WWOX: variants seen among roughly 807,000 people sequenced by gnomAD.
WWOX encodes WW domain-containing oxidoreductase.
A neutral mutation model predicts 46.2 loss-of-function variants in WWOX; 69 were observed. That is an observed-to-expected ratio of 1.49 (90% CI 1.23 to 1.82). The LOEUF is 1.82. WWOX is among the 40% of genes most tolerant of loss of function. The pLI is 0.00. For synonymous variants in WWOX, 359 were observed against 202.6 expected, an observed-to-expected ratio of 1.77 and a Z score of -6.56; for missense variants, 919 against 542.6, an observed-to-expected ratio of 1.69 and a Z score of -6.89.
rs559447700 is a variant in WWOX, at chr16:78,705,797, A to G, written c.1056+273045A>G. 2.6e-5 allele frequency among the ~76,000 whole-genome samples: 4 copies of G among 152,346 alleles called. No homozygotes were observed. The East Asian group carries it at 7.7e-4, about 29-fold the overall frequency. ...TGTGCACACATACATTGAAAACAAA[A>G]TGAAAAAACAAGAATAAAACAAAAA... On this transcript the variant is annotated intron_variant, in intron 8 of 8. Transcript: ENST00000566780.
intron 8 of WWOX, among the ~76,000 whole-genome samples, chr16:78,763,095 CTG>C (rs1273706724): frequency 6.6e-6 from 1 of 152,200 alleles, no homozygotes; most frequent in African/African-American, 2.4e-5. Context: ...AGCACCTACT[CTG>C]TGCCAAAGCA....
intron 8 of WWOX, among the ~76,000 whole-genome samples, chr16:79,107,068 C>T (rs971081812): frequency 4.6e-5 from 7 of 152,134 alleles, no homozygotes; most frequent in East Asian, 1.9e-4. Flanking sequence ...ACCTTGGTCT[C>T]CCAAAGTGCT....
At chr16:78,235,772 C>G (rs2037416006) in intron 5 of WWOX, among the ~76,000 whole-genome samples, 1 of 152,104 alleles carries the variant, frequency 6.6e-6, no homozygotes, top group Non-Finnish European at 1.5e-5. Context: ...ACTAGATGGT[C>G]AAGGTGATTG....
In WWOX at chr16:78,862,366, A is replaced by G. The variant is rs190502962; in HGVS notation, c.1057-349242A>G. Among the ~76,000 whole-genome samples, 177 of 151,348 alleles carry G rather than the reference A, an allele frequency of 1.2e-3. 1 individual carries two copies. Among genetic ancestry groups the G allele is most frequent in the African/African-American group, 4.0e-3 (167 of 41,336 alleles). ...GTACTAAATAATATATATAAACACTATAGTATATAGAGTATACATATACAC... is the reference window on the plus strand; with the variant it reads ...GTACTAAATAATATATATAAACACTGTAGTATATAGAGTATACATATACAC... On this transcript the variant is annotated intron_variant, in intron 8 of 8. Coordinates refer to ENST00000566780, the MANE Select transcript of WWOX (RefSeq NM_016373.4).
At chr16:79,045,556 G>C (rs563445664) in intron 8 of WWOX, among the ~76,000 whole-genome samples, 61 of 152,220 alleles carry the variant, frequency 4.0e-4, no homozygotes, top group Non-Finnish European at 1.2e-4. Flanking sequence ...TTTCCCAATA[G>C]AACACGGAGG....
intron 8 of WWOX, among the ~76,000 whole-genome samples, chr16:78,711,812 T>C (rs2048450228): frequency 6.6e-6 from 1 of 152,078 alleles, no homozygotes; most frequent in South Asian, 2.1e-4. Context: ...CTGCACACAC[T>C]CTCCCACTGT....
At chr16:79,156,774 T>C (rs1255517541) in intron 8 of WWOX, among the ~76,000 whole-genome samples, 2 of 152,064 alleles carry the variant, frequency 1.3e-5, no homozygotes, top group Non-Finnish European at 2.9e-5. Context: ...GGATGTATGA[T>C]GTATGCATAA....
At chr16:78,465,711 A>G (rs1021955709) in intron 8 of WWOX, among the ~76,000 whole-genome samples, 2 of 152,170 alleles carry the variant, frequency 1.3e-5, no homozygotes, top group Non-Finnish European at 2.9e-5. Flanking sequence ...ATTTCCTTTT[A>G]ATTGCCCAGG....
At chr16:78,165,307 G>C (rs1041577298) in intron 5 of WWOX, among the ~76,000 whole-genome samples, 46 of 152,186 alleles carry the variant, frequency 3.0e-4, no homozygotes, top group African/African-American at 9.6e-4. Context: ...TGGGTGCTGG[G>C]GTCTACTGTT....
chr16:78,977,168 C>G (rs568566136), intron 8 of WWOX, among the ~76,000 whole-genome samples: 100 of 152,294 alleles, frequency 6.6e-4, no homozygotes, highest in Non-Finnish European at 1.1e-3. Context: ...ATATATCATT[C>G]ACTCAAGTGT....
chr16:78,456,254 C>G (rs745314918), intron 8 of WWOX, among the ~76,000 whole-genome samples: 1 of 152,026 alleles, frequency 6.6e-6, no homozygotes, highest in African/African-American at 2.4e-5. Context: ...AACATAGACA[C>G]CAAAAGAGAG....
intron 8 of WWOX, among the ~76,000 whole-genome samples, chr16:78,438,006 C>T (rs976681700): frequency 3.3e-5 from 5 of 151,962 alleles, no homozygotes; most frequent in Non-Finnish European, 7.4e-5. Flanking sequence ...TTCACAAAAC[C>T]AGGTGTTGTA....
At chr16:78,698,020 A>G (rs900968806) in intron 8 of WWOX, among the ~76,000 whole-genome samples, 4 of 152,204 alleles carry the variant, frequency 2.6e-5, no homozygotes, top group African/African-American at 7.2e-5. Flanking sequence ...AAGATATACT[A>G]TGTGTTTCAA....
At chr16:78,894,471 G>C (rs547984483) in intron 8 of WWOX, among the ~76,000 whole-genome samples, 1 of 152,314 alleles carries the variant, frequency 6.6e-6, no homozygotes, top group African/African-American at 2.4e-5. Context: ...TTTGTAGTCA[G>C]CCTCTCTACT....
Position 78,424,873 on chromosome 16 carries a change from T to A in WWOX, c.609T>A (p.Pro203=). Residue 203 remains proline (P), a synonymous_variant, in exon 7 of 9, where the codon CCT becomes CCA. Coordinates refer to ENST00000566780, the MANE Select transcript of WWOX (RefSeq NM_016373.4). ...FAEAFKAKNV[P]LHVLVCNAAT... ...CATGGGATATTTTATTTTTCAGGCC[T>A]CTTCATGTGCTTGTGTGCAACGCAG... The A allele has an allele frequency of 6.2e-7, 1 of 1,614,190 alleles. No homozygotes were observed. Among genetic ancestry groups the A allele is most frequent in the South Asian group, 1.1e-5 (1 of 91,076 alleles).
intron 5 of WWOX, among the ~76,000 whole-genome samples, chr16:78,313,988 C>G (rs1341753878): frequency 6.6e-6 from 1 of 152,200 alleles, no homozygotes; most frequent in African/African-American, 2.4e-5. Context: ...GAAATCCTGG[C>G]TGTTCCGCTT....
intron 8 of WWOX, among the ~76,000 whole-genome samples, chr16:78,502,932 G>A (rs982031808): frequency 5.3e-5 from 8 of 152,194 alleles, no homozygotes; most frequent in Non-Finnish European, 8.8e-5. Context: ...GCGATAGCAA[G>A]GAGCGAAATG....
intron 4 of WWOX, among the ~76,000 whole-genome samples, chr16:78,130,901 G>C (rs561676045): frequency 6.6e-6 from 1 of 152,162 alleles, no homozygotes; most frequent in Non-Finnish European, 1.5e-5. Flanking sequence ...CAGTGTCATC[G>C]TTGTGCAACC....
intron 8 of WWOX, among the ~76,000 whole-genome samples, chr16:78,672,165 G>C (rs2047479997): frequency 6.6e-6 from 1 of 152,180 alleles, no homozygotes; most frequent in African/African-American, 2.4e-5. Context: ...TTAAATGTCA[G>C]ATTTAATTAA....
Sources: gnomAD v4.1 joint callset for allele counts (sites outside exome capture counted in the v4.1 genomes callset) on GRCh38, gnomAD v4.1.1 for gene constraint, MANE v1.5 for transcripts, NCBI Gene and HGNC (gene_info 2026-07-23, HGNC 2026-07-21) for gene names.